The following B4GALNT2 variants were observed in gnomAD, a reference collection of about 807,000 sequenced individuals.
B4GALNT2 encodes the protein beta-1,4-N-acetyl-galactosaminyltransferase 2 (SID blood group).
A neutral mutation model predicts 51.1 loss-of-function variants in B4GALNT2; 42 were observed. The observed-to-expected ratio is 0.82, with a 90% CI of 0.64 to 1.06. The LOEUF (loss-of-function observed/expected upper bound fraction) is 1.06. Among genes scored for constraint, B4GALNT2 ranks in the 50% least tolerant of loss-of-function variants. The probability of loss-of-function intolerance (pLI) is 0.00; values close to 1 mark genes in which losing one functional copy is unlikely to be tolerated. For synonymous variants in B4GALNT2, 253 were observed against 251.7 expected, an observed-to-expected ratio of 1.01 and a Z score of -0.05; for missense variants, 602 against 633.6, an observed-to-expected ratio of 0.95 and a Z score of 0.54.
At chr17:49,136,947 T>A (rs2042596183) in intron 1 of B4GALNT2, among the ~76,000 whole-genome samples, 1 of 152,106 alleles carries the variant, frequency 6.6e-6, no homozygotes, top group African/African-American at 2.4e-5. Flanking sequence ...TCAATACACA[T>A]CACAATTTTA....
At chr17:49,141,539 A>G (rs2042644239) in intron 2 of B4GALNT2, 92 bp downstream of exon 2, 35 of 1,344,018 alleles carry the variant, frequency 2.6e-5, no homozygotes, top group Non-Finnish European at 3.5e-5. Flanking sequence ...CATTGTACAG[A>G]TGGTTCCCTT....
In B4GALNT2 at chr17:49,161,205, G is replaced by A. The variant is rs1248250797; in HGVS notation, c.766+564G>A. On this transcript the variant is annotated intron_variant, in intron 7 of 10. Coordinates refer to ENST00000393354, the MANE Select transcript of B4GALNT2 (RefSeq NM_001159387.2). ...CAGGAGAATCACTTGAACCCAGGAGGTGGAGGTTTCAGTGAGCCAAGATTG... is the reference window on the plus strand; with the variant it reads ...CAGGAGAATCACTTGAACCCAGGAGATGGAGGTTTCAGTGAGCCAAGATTG... Among the ~76,000 whole-genome samples the A allele has an allele frequency of 3.3e-5, 5 of 151,504 alleles. No homozygotes were observed. In the East Asian group the frequency reaches 7.7e-4, roughly 23 times the overall value.
rs768014101 is a variant in B4GALNT2, at chr17:49,159,092, G to T, written c.554G>T (p.Ser185Ile). Residue 185 changes from serine (S) to isoleucine (I), a missense_variant, in exon 6 of 11, where the codon AGT becomes ATT. Transcript: ENST00000393354. ...TLNTLADVPD[S>I]VVQGRGQKQL... Reference sequence around the variant, plus strand: ...AACACCCTTGCTGATGTCCCAGACAGTGTGGTGCAGGGCAGAGGCCAGAAG... The same window carrying T: ...AACACCCTTGCTGATGTCCCAGACATTGTGGTGCAGGGCAGAGGCCAGAAG... The T allele has an allele frequency of 6.2e-7, 1 of 1,614,246 alleles. No homozygotes were observed. Among genetic ancestry groups the T allele is most frequent in the Non-Finnish European group, 8.5e-7 (1 of 1,180,038 alleles).
At position 49,175,096 on chromosome 17, in the gene B4GALNT2, C is replaced by T. The variant is rs1206931373; in HGVS notation, c.*5368C>T. The T allele has an allele frequency of 6.6e-6, 1 of 152,096 alleles. No homozygotes were observed. Among genetic ancestry groups the T allele is most frequent in the Non-Finnish European group, 1.5e-5 (1 of 68,030 alleles). The allele number at this position is 152,096 out of a possible 1,614,324, so 9.4% of individuals were successfully genotyped here. On this transcript the variant is annotated 3_prime_UTR_variant, in exon 11 of 11. Transcript: ENST00000393354. ...CTTTGATATACTTCAGGGGCTTTAC[C>T]AACTCCAACTATGTTAAATTGAGTG...
In B4GALNT2 at chr17:49,166,112, A is replaced by AG. The variant is rs1358645434; in HGVS notation, c.956dup. ...ACTCCTTTAACCTCATTTCATCTAC[A>AG]GGGTTGGTTTGCTGGTAGGAACCTG... On this transcript the variant is annotated splice_acceptor_variant, in intron 8 of 10. Transcript: ENST00000393354. LOFTEE classifies it high-confidence loss of function. The AG allele has an allele frequency of 6.2e-7, 1 of 1,613,706 alleles. No individual in the cohort carries two copies. Among genetic ancestry groups the AG allele is most frequent in the East Asian group, 2.2e-5 (1 of 44,884 alleles).
chr17:49,158,937 T>A, intron 5 of B4GALNT2, 100 bp from the exon 6 acceptor site: 1 of 1,370,944 alleles, frequency 7.3e-7, no homozygotes, highest in Non-Finnish European at 1.0e-6. Context: ...CTCACCCTTA[T>A]GTGCTCTGCC....
Position 49,142,095 on chromosome 17 carries a change from T to G in B4GALNT2, c.276T>G (p.Phe92Leu), listed in dbSNP as rs1342389128. ...ACAAAGAGCAGGGAGGTTACAACTT[T>G]CAGGATGCCTATGGCCAGAGCGACC... ...EANKEQGGYN[F>L]QDAYGQSDLP... The change falls in exon 3 of 11, where the codon TTT becomes TTG. Residue 92 changes from phenylalanine (F) to leucine (L), a missense_variant. Transcript: ENST00000393354. The G allele has an allele frequency of 6.2e-7, 1 of 1,614,102 alleles. No homozygotes were observed. Among genetic ancestry groups the G allele is most frequent in the African/African-American group, 1.3e-5 (1 of 75,010 alleles).
At chr17:49,126,729 C>G in the B4GALNT2 span, among the ~76,000 whole-genome samples, 5 of 146,360 alleles carry the variant, frequency 3.4e-5, no homozygotes, top group Non-Finnish European at 7.4e-5. Flanking sequence ...GGTGCAATCT[C>G]GGCTCATTGC....
chr17:49,157,436 T>C (rs745982331), intron 5 of B4GALNT2, among the ~76,000 whole-genome samples: 19 of 148,412 alleles, frequency 1.3e-4, no homozygotes, highest in Non-Finnish European at 8.9e-5. Context: ...GTCTCCTGCC[T>C]CAGCCTCCCA....
At chr17:49,138,809 G>A (rs561438778) in intron 1 of B4GALNT2, among the ~76,000 whole-genome samples, 1 of 152,302 alleles carries the variant, frequency 6.6e-6, no homozygotes, top group Admixed American at 6.5e-5. Context: ...CCCAGGAGGT[G>A]GAGGTTGCAG....
intron 3 of B4GALNT2, among the ~76,000 whole-genome samples, chr17:49,142,853 A>C (rs142669175): frequency 6.6e-6 from 1 of 152,338 alleles, no homozygotes; most frequent in African/African-American, 2.4e-5. Flanking sequence ...TTATATGTTG[A>C]GAGCATACTA....
At chr17:49,137,311 G>A (rs1245491579) in intron 1 of B4GALNT2, among the ~76,000 whole-genome samples, 4 of 152,212 alleles carry the variant, frequency 2.6e-5, no homozygotes, top group Non-Finnish European at 5.9e-5. Flanking sequence ...GAGGCCGGAA[G>A]GGCTCTGCGC....
At position 49,169,664 on chromosome 17, in the gene B4GALNT2, T is replaced by G; in HGVS notation, c.1457T>G (p.Leu486Arg). 1 of 1,609,728 alleles carries G rather than the reference T, an allele frequency of 6.2e-7. No homozygotes were observed. The highest frequency in any genetic ancestry group is 2.2e-5 in the East Asian group (1 of 44,756). The part of the protein sequence containing the change: ...KTYNTYRSNT[L>R]TRVQFKLALH... The stretch of plus-strand genomic sequence containing the variant: ...TACAATACATACCGGTCCAACACCC[T>G]CACCCGGGTCCAGTTCAAGCTGGCC... The change falls in exon 11 of 11, where the codon CTC (leucine) becomes CGC (arginine). Residue 486 changes from leucine to arginine, a missense_variant. Transcript: ENST00000393354.
chr17:49,125,379 C>T, the B4GALNT2 span, among the ~76,000 whole-genome samples: 1 of 152,068 alleles, frequency 6.6e-6, no homozygotes, highest in Non-Finnish European at 1.5e-5. Context: ...AGGCTGATCT[C>T]GAACTCCTGA....
At position 49,141,373 on chromosome 17, in the gene B4GALNT2, T is replaced by C. The variant is rs2042642085; in HGVS notation, c.141T>C (p.Pro47=). ...FSSPKPELPS[P]APGVQKLKLL... ...GCCCCAAGCCAGAACTCCCAAGTCC[T>C]GCCCCGGGTGTCCAGAAGCTGAAGC... The change falls in exon 2 of 11, where the codon CCT becomes CCC. Residue 47 remains proline (P), a synonymous_variant. Transcript: ENST00000393354. 1.2e-6 allele frequency: 2 copies of C among 1,614,184 alleles called. No homozygotes were observed. The highest frequency in any genetic ancestry group is 1.1e-5 in the South Asian group (1 of 91,076).
At chr17:49,136,516 G>C (rs1463700566) in intron 1 of B4GALNT2, among the ~76,000 whole-genome samples, 1 of 148,430 alleles carries the variant, frequency 6.7e-6, no homozygotes, top group East Asian at 1.9e-4. Flanking sequence ...TCTCACATTA[G>C]AGTTTATTTA....
At chr17:49,129,469 C>T (rs2042526640), upstream of B4GALNT2, among the ~76,000 whole-genome samples, 1 of 152,186 alleles carries the variant, frequency 6.6e-6, no homozygotes, top group African/African-American at 2.4e-5. Flanking sequence ...CCACTGCTTC[C>T]TTGGTTGCAA....
Position 49,175,866 on chromosome 17 carries a change from C to T in B4GALNT2, c.*6138C>T, listed in dbSNP as rs1024977883. On this transcript the variant is annotated 3_prime_UTR_variant, in exon 11 of 11. Coordinates refer to ENST00000393354, the MANE Select transcript of B4GALNT2 (RefSeq NM_001159387.2). ...TCTGTAGGGTCAGGTCACTCTTTTT[C>T]TTCAAAATAATGAGGGGGTGAAGAA... The T allele has an allele frequency of 6.6e-6, 1 of 152,166 alleles. No homozygotes were observed. The highest frequency in any genetic ancestry group is 1.5e-5 in the Non-Finnish European group (1 of 68,026). 9.4% of individuals were successfully genotyped at this position (152,166 alleles called of 1,614,324 possible).
At chr17:49,148,317 A>G (rs1598204329) in intron 3 of B4GALNT2, 2 of 352,356 alleles carry the variant, frequency 5.7e-6, no homozygotes, top group East Asian at 9.7e-5. Flanking sequence ...AAATAAAAAC[A>G]AAACAAAAGT....
Sources: gnomAD v4.1 joint callset for allele counts (sites outside exome capture counted in the v4.1 genomes callset) on GRCh38, gnomAD v4.1.1 for gene constraint, MANE v1.5 for transcripts, NCBI Gene and HGNC (gene_info 2026-07-23, HGNC 2026-07-21) for gene names.